The following NOS1AP variants were observed in gnomAD, a reference collection of about 807,000 sequenced individuals.
The protein encoded by NOS1AP is carboxyl-terminal PDZ ligand of neuronal nitric oxide synthase protein.
A neutral mutation model predicts 56.2 loss-of-function variants in NOS1AP; 21 were observed. The ratio of observed to expected loss-of-function variants is 0.37; its 90% CI spans 0.26 to 0.54. The LOEUF (loss-of-function observed/expected upper bound fraction) is 0.54. Among genes scored for constraint, NOS1AP ranks in the 20% least tolerant of loss-of-function variants. NOS1AP has a pLI of 0.84. For synonymous variants in NOS1AP, 270 were observed against 274.6 expected, an observed-to-expected ratio of 0.98 and a Z score of 0.17; for missense variants, 522 against 657.8, an observed-to-expected ratio of 0.79 and a Z score of 2.26.
intron 3 of NOS1AP, among the ~76,000 whole-genome samples, chr1:162,296,551 G>A (rs991568777): frequency 6.6e-5 from 10 of 152,058 alleles, no homozygotes; most frequent in Admixed American, 1.3e-4. Context: ...ATGGGTGCTG[G>A]GACCTCTTTT....
intron 2 of NOS1AP, among the ~76,000 whole-genome samples, chr1:162,275,491 G>A (rs1219692451): frequency 6.6e-6 from 1 of 152,130 alleles, no homozygotes; most frequent in Non-Finnish European, 1.5e-5. Context: ...ATTATTTCTG[G>A]CATAAGGTAT....
At chr1:162,177,685 AAGT>A (rs773815653) in intron 2 of NOS1AP, among the ~76,000 whole-genome samples, 2 of 152,240 alleles carry the variant, frequency 1.3e-5, no homozygotes, top group African/African-American at 2.4e-5. Context: ...TTTTTTAAAA[AAGT>A]AGTAAACATT....
intron 2 of NOS1AP, among the ~76,000 whole-genome samples, chr1:162,249,193 G>A (rs991462641): frequency 1.3e-4 from 20 of 152,100 alleles, no homozygotes; most frequent in African/African-American, 4.3e-4. Context: ...GGGGATGGTG[G>A]GACCTGGAGT....
intron 2 of NOS1AP, among the ~76,000 whole-genome samples, chr1:162,259,194 G>A (rs1056105918): frequency 4.6e-5 from 7 of 152,096 alleles, no homozygotes; most frequent in African/African-American, 1.7e-4. Context: ...AGATTGCTTT[G>A]GTTGACTGAT....
intron 4 of NOS1AP, chr1:162,317,712 G>A (rs1656275832): frequency 6.6e-6 from 1 of 152,118 alleles, no homozygotes; most frequent in Non-Finnish European, 1.5e-5. Flanking sequence ...TCCTCTCTAA[G>A]AAAATAACAG....
chr1:162,283,086 C>T (rs1424036563), intron 2 of NOS1AP, among the ~76,000 whole-genome samples: 2 of 136,170 alleles, frequency 1.5e-5, no homozygotes, highest in Non-Finnish European at 3.1e-5. Context: ...TGCTTGCTCG[C>T]TCTCCCTCTC....
intron 2 of NOS1AP, among the ~76,000 whole-genome samples, chr1:162,240,243 C>CTGTG (rs1653446639): frequency 5.0e-5 from 4 of 79,870 alleles, no homozygotes; most frequent in African/African-American, 1.8e-4. Context: ...ACTGTGTGGC[C>CTGTG]AGTGTGTGTG....
intron 2 of NOS1AP, among the ~76,000 whole-genome samples, chr1:162,157,415 C>T (rs1650020025): frequency 6.6e-6 from 1 of 152,212 alleles, no homozygotes; most frequent in Admixed American, 6.5e-5. Context: ...TTCTTTTCTT[C>T]TTTCCCTTTT....
intron 3 of NOS1AP, among the ~76,000 whole-genome samples, chr1:162,288,477 A>G (rs1475218836): frequency 4.6e-5 from 7 of 152,340 alleles, no homozygotes; most frequent in African/African-American, 1.4e-4. Context: ...TTGAAGAACC[A>G]TATAGCTGAG....
chr1:162,102,666 G>A (rs987998949), intron 1 of NOS1AP, among the ~76,000 whole-genome samples: 1 of 152,092 alleles, frequency 6.6e-6, no homozygotes, highest in African/African-American at 2.4e-5. Flanking sequence ...AGTCTTGGGA[G>A]GATATATGTG....
In NOS1AP at chr1:162,353,211, T is replaced by C. The variant is rs142190951; in HGVS notation, c.596-1976T>C. Among the ~76,000 whole-genome samples the C allele has an allele frequency of 1.5e-3, 221 of 152,240 alleles. 1 individual carries two copies. The highest frequency in any genetic ancestry group is 5.2e-3 in the African/African-American group (215 of 41,514). Reference sequence around the variant, plus strand: ...TCTATCCTCCATACTATATCTAGAGTGAAATTTTGAAGGATGAAAATGTTT... The same window carrying C: ...TCTATCCTCCATACTATATCTAGAGCGAAATTTTGAAGGATGAAAATGTTT... On this transcript the variant is annotated intron_variant, in intron 6 of 9. Coordinates refer to ENST00000361897, the MANE Select transcript of NOS1AP (RefSeq NM_014697.3).
chr1:162,255,586 C>CT lies in NOS1AP; in HGVS notation c.178-31755dup, dbSNP rs565703964. On this transcript the variant is annotated intron_variant, in intron 2 of 9. Transcript: ENST00000361897. ...CATTCTCCAATTTCCTCTCTCCAGA[C>CT]TTTCCACTGCTATGTGTAAGATGCT... Among the ~76,000 whole-genome samples the CT allele has an allele frequency of 1.2e-3, 163 of 130,692 alleles. 4 individuals are homozygous for CT. The Admixed American group carries it at 0.013, about 10-fold the overall frequency. The allele number at this position is 130,692 out of a possible 152,430, so 85.7% of individuals were successfully genotyped here.
intron 4 of NOS1AP, among the ~76,000 whole-genome samples, chr1:162,315,188 T>TAGAGTAAAGGGCC (rs371452617): frequency 6.6e-6 from 1 of 152,200 alleles, no homozygotes; most frequent in Non-Finnish European, 1.5e-5. Context: ...TGTGAAGGCC[T>TAGAGTAAAGGGCC]AGAGTAAAGG....
chr1:162,121,082 A>ATT (rs372854857), intron 1 of NOS1AP, among the ~76,000 whole-genome samples: 4,591 of 102,992 alleles, frequency 0.045, 330 homozygotes, highest in African/African-American at 0.15. Context: ...GCACACTAGG[A>ATT]TTTTTTTTTT....
At chr1:162,274,327 G>A (rs940157778) in intron 2 of NOS1AP, among the ~76,000 whole-genome samples, 2 of 152,140 alleles carry the variant, frequency 1.3e-5, no homozygotes, top group African/African-American at 2.4e-5. Flanking sequence ...TTTATTTGGG[G>A]GAACTTACAG....
chr1:162,204,853 G>A (rs1652110768), intron 2 of NOS1AP, among the ~76,000 whole-genome samples: 1 of 152,122 alleles, frequency 6.6e-6, no homozygotes, highest in Admixed American at 6.5e-5. Context: ...TGTGGCTGTG[G>A]GTGCTTGTGT....
chr1:162,192,334 C>T (rs879750041), intron 2 of NOS1AP, among the ~76,000 whole-genome samples: 1 of 152,126 alleles, frequency 6.6e-6, no homozygotes, highest in Non-Finnish European at 1.5e-5. Context: ...TGCAGATTGT[C>T]CTGTTAAACT....
At position 162,146,299 on chromosome 1, in the gene NOS1AP, T is replaced by C. The variant is rs149935218; in HGVS notation, c.106-8106T>C. Among the ~76,000 whole-genome samples, 18 of 151,926 alleles carry C rather than the reference T, an allele frequency of 1.2e-4. 1 individual carries two copies. The highest frequency in any genetic ancestry group is 3.4e-4 in the African/African-American group (14 of 41,272). ...AATCCTAAATCTGCCTCCTCTGAGG[T>C]GGGGAGCAGTTAAAATCTCCACTTG... is the stretch of plus-strand genomic sequence containing the variant. On this transcript the variant is annotated intron_variant, in intron 1 of 9. Transcript: ENST00000361897.
rs147512078 is a variant in NOS1AP at position 162,348,230 on chromosome 1, C to T, written c.595+4254C>T. On this transcript the variant is annotated intron_variant, in intron 6 of 9. Coordinates refer to ENST00000361897, the MANE Select transcript of NOS1AP (RefSeq NM_014697.3). ...TGTTTGTTAAATGCTTACTGTATGC[C>T]AAAATGAACAGAGATTAAGTAGAGA... Among the ~76,000 whole-genome samples the T allele has an allele frequency of 2.8e-3, 419 of 152,238 alleles. 10 individuals carry two copies. The highest frequency in any genetic ancestry group is 0.019 in the Admixed American group (288 of 15,284).
Sources: allele counts gnomAD v4.1 joint callset (sites outside exome capture counted in the v4.1 genomes callset), GRCh38; gene constraint gnomAD v4.1.1; transcripts MANE v1.5; gene names NCBI Gene and HGNC (gene_info 2026-07-23, HGNC 2026-07-21).